CPT2: variants seen among roughly 807,000 people sequenced by gnomAD.
The protein encoded by CPT2 is carnitine O-palmitoyltransferase 2, mitochondrial.
Under a neutral mutation model 48.6 loss-of-function variants are expected in CPT2, and 37 were observed. The observed-to-expected ratio is 0.76, with a 90% confidence interval of 0.59 to 1.00. The LOEUF (loss-of-function observed/expected upper bound fraction) is 1.00, where lower values mean the gene tolerates loss of function less well. CPT2 is among the 50% of genes least tolerant of loss of function. CPT2 has a pLI of 0.00. For missense variants in CPT2, 772 were observed against 825.6 expected, an observed-to-expected ratio of 0.94 and a Z score of 0.80; for synonymous variants, 319 against 326.9, an observed-to-expected ratio of 0.98 and a Z score of 0.26.
intron 3 of CPT2, among the ~76,000 whole-genome samples, chr1:53,204,983 T>C (rs1173671026): frequency 6.6e-6 from 1 of 152,090 alleles, no homozygotes. Flanking sequence ...TTTATAGCAG[T>C]GTGAAAATGG....
intron 3 of CPT2, among the ~76,000 whole-genome samples, chr1:53,206,424 G>A (rs192071234): frequency 2.4e-4 from 37 of 152,276 alleles, no homozygotes; most frequent in African/African-American, 7.2e-4. Flanking sequence ...TAGATCCACC[G>A]ACAGTTTGCA....
chr1:53,213,843 T>C lies in CPT2; in HGVS notation c.*248T>C, dbSNP rs186214647. On this transcript the variant is annotated 3_prime_UTR_variant, in exon 5 of 5. Transcript: ENST00000371486. The stretch of plus-strand genomic sequence containing the variant: ...ACTTGGGAGGTTGAAGCAGAATTGC[T>C]TGAACCCAGGAGGTGGAGGTTGCAG... The C allele has an allele frequency of 7.0e-5, 32 of 454,074 alleles. No homozygotes were observed. The East Asian group carries it at 1.4e-3, about 20-fold the overall frequency. The allele number at this position is 454,074 out of a possible 1,614,324, so 28.1% of individuals were successfully genotyped here.
rs1378193193 is a variant in CPT2 at position 53,210,211 on chromosome 1, C to T, written c.537C>T (p.Asn179=). The change falls in exon 4 of 5, where the codon AAC becomes AAT. Residue 179 remains asparagine, a synonymous_variant. Coordinates refer to ENST00000371486, the MANE Select transcript of CPT2 (RefSeq NM_000098.3). The part of the protein sequence containing the change: ...GLLEPEVFHL[N]PAKSDTITFK... Reference sequence around the variant, plus strand: ...TGGAGCCAGAAGTGTTCCACTTGAACCCTGCAAAAAGTGACACTATCACCT... The same window carrying T: ...TGGAGCCAGAAGTGTTCCACTTGAATCCTGCAAAAAGTGACACTATCACCT... The T allele has an allele frequency of 1.2e-6, 2 of 1,614,062 alleles. No homozygotes were observed. Among genetic ancestry groups the T allele is most frequent in the Non-Finnish European group, 8.5e-7 (1 of 1,179,942 alleles).
In CPT2 at chr1:53,211,099, C is replaced by T; in HGVS notation, c.1425C>T (p.Phe475=). 2 of 1,614,138 alleles carry T rather than the reference C, an allele frequency of 1.2e-6. No individual in the cohort carries two copies. The highest frequency in any genetic ancestry group is 1.1e-5 in the South Asian group (1 of 91,056). Residue 475 remains phenylalanine (F), a synonymous_variant, in exon 4 of 5, where the codon TTC becomes TTT. Transcript: ENST00000371486. ...CCCAGCTGGCATTCCAGATGGCCTT[C>T]CTGCGGCAGTACGGGCAGACAGTGG... ...AVAQLAFQMA[F]LRQYGQTVAT...
chr1:53,206,743 G>T (rs577014632), intron 3 of CPT2, among the ~76,000 whole-genome samples: 34 of 152,258 alleles, frequency 2.2e-4, no homozygotes, highest in African/African-American at 7.2e-4. Context: ...ATAACTAATT[G>T]GTTTTTGATT....
intron 4 of CPT2, among the ~76,000 whole-genome samples, chr1:53,211,762 C>T (rs1645430206): frequency 6.6e-6 from 1 of 151,982 alleles, no homozygotes; most frequent in Non-Finnish European, 1.5e-5. Flanking sequence ...CTACACCTGG[C>T]TAGTTTTTGC....
rs1645424775 is a variant in CPT2, at chr1:53,211,142, A to T, written c.1468A>T (p.Ser490Cys). The change falls in exon 4 of 5, where the codon AGC becomes TGC. Residue 490 changes from serine (S) to cysteine (C), a missense_variant. By Grantham distance (112) the Ser-to-Cys change is moderately radical (BLOSUM62 -1). Transcript: ENST00000371486. Reference sequence around the variant, plus strand: ...GACAGTGGCCACCTACGAGTCCTGTAGCACTGCCGCATTCAAGCACGGCCG... The same window carrying T: ...GACAGTGGCCACCTACGAGTCCTGTTGCACTGCCGCATTCAAGCACGGCCG... Reference protein sequence around the residue: ...GQTVATYESCSTAAFKHGRTE... With the variant: ...GQTVATYESCCTAAFKHGRTE... The T allele has an allele frequency of 6.2e-7, 1 of 1,613,072 alleles. No homozygotes were observed. Among genetic ancestry groups the T allele is most frequent in the South Asian group, 1.1e-5 (1 of 91,040 alleles).
intron 1 of CPT2, among the ~76,000 whole-genome samples, chr1:53,199,399 A>T (rs1645342203): frequency 6.6e-6 from 1 of 152,192 alleles, no homozygotes; most frequent in Non-Finnish European, 1.5e-5. Flanking sequence ...CATGTTGCCC[A>T]GGCTGGTCTT....
Position 53,213,677 on chromosome 1 carries a change from C to A in CPT2, c.*82C>A. ...GGCATGGTGGCTCATGCCTGTAATC[C>A]CAGCATTTTGAGAGGCTGAGGCGGG... On this transcript the variant is annotated 3_prime_UTR_variant, in exon 5 of 5. Transcript: ENST00000371486. The A allele has an allele frequency of 1.5e-6, 2 of 1,309,030 alleles. No homozygotes were observed. The highest frequency in any genetic ancestry group is 2.4e-5 in the East Asian group (1 of 40,996). The allele number at this position is 1,309,030 out of a possible 1,614,324, so 81.1% of individuals were successfully genotyped here.
chr1:53,209,847 C>T lies in CPT2; in HGVS notation c.341-168C>T, dbSNP rs567589729. ...GCAAAACACCATATATTGTATGACC[C>T]CATTTGTATGTCTTGAATTATTGCA... On this transcript the variant is annotated intron_variant, in intron 3 of 4. Coordinates refer to ENST00000371486, the MANE Select transcript of CPT2 (RefSeq NM_000098.3). 52 of 639,298 alleles carry T rather than the reference C, an allele frequency of 8.1e-5. No homozygotes were observed. In the East Asian group the frequency reaches 8.9e-4, roughly 11 times the overall value. The allele number at this position is 639,298 out of a possible 1,614,324, so 39.6% of individuals were successfully genotyped here. A position where few individuals can be genotyped will look rare whatever the true frequency, so the allele number is the denominator to read the frequency against.
At chr1:53,201,867 T>G (rs572103782) in intron 2 of CPT2, 82 of 192,646 alleles carry the variant, frequency 4.3e-4, no homozygotes, top group Admixed American at 5.9e-4. Context: ...TTATTGAGTA[T>G]TATGTTTTAG....
At chr1:53,207,096 C>G (rs1033605935) in intron 3 of CPT2, among the ~76,000 whole-genome samples, 5 of 152,182 alleles carry the variant, frequency 3.3e-5, no homozygotes, top group Admixed American at 3.3e-4. Flanking sequence ...TTTGGCAGTT[C>G]CTACTCCTTG....
chr1:53,213,539 G>C lies in CPT2; in HGVS notation c.1921G>C (p.Glu641Gln). The C allele has an allele frequency of 1.2e-6, 2 of 1,614,212 alleles. No homozygotes were observed. The highest frequency in any genetic ancestry group is 1.1e-5 in the South Asian group (1 of 91,086). The change falls in exon 5 of 5, where the codon GAG (glutamate) becomes CAG (glutamine). Residue 641 changes from glutamate (E) to glutamine (Q), a missense_variant. Transcript: ENST00000371486. ...RNAREFLQCV[E>Q]KALEDMFDAL... The stretch of plus-strand genomic sequence containing the variant: ...TGCCCGGGAGTTTCTCCAATGTGTG[G>C]AGAAGGCCTTAGAAGACATGTTTGA...
At position 53,200,734 on chromosome 1, in the gene CPT2, AC is replaced by A. The variant is rs758026372; in HGVS notation, c.169del (p.Glu58LysfsTer15). 6.2e-7 allele frequency: 1 copy of A among 1,613,952 alleles called. No individual in the cohort carries two copies. Among genetic ancestry groups the A allele is most frequent in the East Asian group, 2.2e-5 (1 of 44,874 alleles). On this transcript the variant is annotated frameshift_variant, in exon 2 of 5. Coordinates refer to ENST00000371486, the MANE Select transcript of CPT2 (RefSeq NM_000098.3). LOFTEE classifies it high-confidence loss of function. The part of the protein sequence containing the change: ...DSLPRLPIPK[L>X]EDTIRRYLSA... Reference sequence around the variant, plus strand: ...TTCTCCCCAGGCTGCCTATTCCCAAACTTGAAGACACCATTAGGAGATACCT... The same window carrying A: ...TTCTCCCCAGGCTGCCTATTCCCAAATTGAAGACACCATTAGGAGATACCT...
At chr1:53,197,571 CCT>C (rs2100255907) in intron 1 of CPT2, 1 of 255,794 alleles carries the variant, frequency 3.9e-6, no homozygotes, top group South Asian at 3.7e-5. Flanking sequence ...CGCCTTCACC[CCT>C]GTCACTCAGG....
chr1:53,209,358 TAA>T (rs985990356), intron 3 of CPT2: 7 of 143,074 alleles, frequency 4.9e-5, no homozygotes, highest in Admixed American at 1.4e-4. Context: ...CTGTGTCTCT[TAA>T]AAAAAAAAAA....
intron 3 of CPT2, chr1:53,209,351 T>C (rs1277278867): frequency 1.3e-5 from 2 of 152,544 alleles, no homozygotes; most frequent in Non-Finnish European, 2.9e-5. Context: ...AGAAATCCTG[T>C]GTCTCTTAAA....
chr1:53,213,220 C>G, intron 4 of CPT2, 44 bp from the exon 5 acceptor site: 1 of 1,607,232 alleles, frequency 6.2e-7, no homozygotes, highest in South Asian at 1.1e-5. Flanking sequence ...TCCTGAGGTC[C>G]TTTTCCATCC....
rs765487506 is a variant in CPT2 at position 53,213,600 on chromosome 1, T to A, written c.*5T>A. On this transcript the variant is annotated 3_prime_UTR_variant, in exon 5 of 5. Coordinates refer to ENST00000371486, the MANE Select transcript of CPT2 (RefSeq NM_000098.3). ...GGCAAATCCATCAAAAGTTAACTTC[T>A]GGGCAGATGAAAAGCTACCATCACT... 6 of 1,611,774 alleles carry A rather than the reference T, an allele frequency of 3.7e-6. No individual in the cohort carries two copies. Among genetic ancestry groups the A allele is most frequent in the Non-Finnish European group, 5.1e-6 (6 of 1,179,314 alleles).
Sources: gnomAD v4.1 joint callset for allele counts (sites outside exome capture counted in the v4.1 genomes callset) on GRCh38, gnomAD v4.1.1 for gene constraint, MANE v1.5 for transcripts, NCBI Gene and HGNC (gene_info 2026-07-23, HGNC 2026-07-21) for gene names.